PALM2AKAP2: variants seen among roughly 807,000 people sequenced by gnomAD.
PALM2AKAP2 encodes the protein PALM2-AKAP2 fusion protein.
In PALM2AKAP2, 37 loss-of-function variants were observed where a neutral mutation model predicts 71.5. That is an observed-to-expected ratio of 0.52 (90% confidence interval 0.40 to 0.68). The LOEUF (loss-of-function observed/expected upper bound fraction) is 0.68. PALM2AKAP2 is among the 30% of genes least tolerant of loss of function. The probability of loss-of-function intolerance (pLI) is 0.00; values close to 1 mark genes in which losing one functional copy is unlikely to be tolerated. For synonymous variants in PALM2AKAP2, 468 were observed against 478.8 expected (o/e 0.98, Z 0.29); for missense variants, 1,224 against 1,191.8 (o/e 1.03, Z -0.40).
chr9:109,946,396 A>C (rs1831505602), intron 6 of PALM2AKAP2: 1 of 152,120 alleles, frequency 6.6e-6, no homozygotes, highest in African/African-American at 2.4e-5. Context: ...CCTTTAAAAT[A>C]ATATAATCAG....
chr9:110,023,883 T>C (rs1270165975), intron 7 of PALM2AKAP2, among the ~76,000 whole-genome samples: 1 of 152,098 alleles, frequency 6.6e-6, no homozygotes, highest in Non-Finnish European at 1.5e-5. Flanking sequence ...TTCTGGCTAC[T>C]TGGGAGGCAA....
At chr9:109,717,103 T>A (rs1828336338) in intron 1 of PALM2AKAP2, among the ~76,000 whole-genome samples, 1 of 152,080 alleles carries the variant, frequency 6.6e-6, no homozygotes, top group Admixed American at 6.5e-5. Context: ...GCTGGCAAGT[T>A]AGGGTTAAGT....
intron 2 of PALM2AKAP2, 95 bp from the exon 3 acceptor site, chr9:109,880,456 T>C (rs1829819541): frequency 6.5e-7 from 1 of 1,528,254 alleles, no homozygotes; most frequent in Admixed American, 1.8e-5. Flanking sequence ...GCAGCGCTGG[T>C]GAGGGGTGGA....
At chr9:109,730,596 G>A (rs548424784) in intron 1 of PALM2AKAP2, among the ~76,000 whole-genome samples, 4 of 152,290 alleles carry the variant, frequency 2.6e-5, no homozygotes, top group Non-Finnish European at 5.9e-5. Flanking sequence ...TGCCAGTAGT[G>A]TACTTCTGAC....
At chr9:109,761,040 G>A (rs572145331) in intron 1 of PALM2AKAP2, among the ~76,000 whole-genome samples, 5 of 152,238 alleles carry the variant, frequency 3.3e-5, no homozygotes, top group Admixed American at 3.3e-4. Context: ...GTTCATTAAG[G>A]ACCACTCCAG....
At chr9:110,048,694 C>A, upstream of PALM2AKAP2, 1 of 1,542,506 alleles carries the variant, frequency 6.5e-7, no homozygotes. Flanking sequence ...CTACCACTCC[C>A]TGCAGATGCG....
At position 109,729,241 on chromosome 9, in the gene PALM2AKAP2, A is replaced by T. The variant is rs575268461; in HGVS notation, c.6-51247A>T. Among the ~76,000 whole-genome samples the T allele has an allele frequency of 3.3e-5, 5 of 152,240 alleles. No homozygotes were observed. In the East Asian group the frequency reaches 7.7e-4, roughly 24 times the overall value. On this transcript the variant is annotated intron_variant, in intron 1 of 6. Coordinates refer to the PALM2AKAP2 transcript ENST00000374531. Reference sequence around the variant, plus strand: ...GCTAGGTACATTGCCACCGACTCCCATGGCCACCTGAGCCTCCAGTAGTCC... The same window carrying T: ...GCTAGGTACATTGCCACCGACTCCCTTGGCCACCTGAGCCTCCAGTAGTCC...
chr9:110,143,554 T>G (rs1015415077), intron 2 of PALM2AKAP2, among the ~76,000 whole-genome samples: 1 of 152,148 alleles, frequency 6.6e-6, no homozygotes, highest in Non-Finnish European at 1.5e-5. Context: ...ATCCAAACAT[T>G]GTATTGAAGT....
rs188616033 is a variant in PALM2AKAP2, at chr9:109,958,831, A to G, written c.496+26803A>G. On this transcript the variant is annotated intron_variant, in intron 6 of 9. Transcript: ENST00000302798. ...CTGTGCCTGGCCCTGTGAAGTTACT[A>G]GTAAGCCACCCGTCACTGCCTTGTT... Among the ~76,000 whole-genome samples the G allele has an allele frequency of 1.6e-4, 25 of 152,338 alleles. No homozygotes were observed. The East Asian group carries it at 4.6e-3, about 28-fold the overall frequency.
intron 6 of PALM2AKAP2, among the ~76,000 whole-genome samples, chr9:109,955,844 G>C (rs10980122): frequency 2.7e-4 from 41 of 152,020 alleles, no homozygotes; most frequent in African/African-American, 9.6e-4. Context: ...GGCTGAGGCA[G>C]GAGAATCGCT....
At chr9:109,762,683 T>C (rs1829076595) in intron 1 of PALM2AKAP2, among the ~76,000 whole-genome samples, 1 of 152,228 alleles carries the variant, frequency 6.6e-6, no homozygotes, top group African/African-American at 2.4e-5. Context: ...TAAGTTATTA[T>C]AAAGGGGCAA....
At chr9:109,854,530 G>C (rs1222142388) in intron 1 of PALM2AKAP2, among the ~76,000 whole-genome samples, 1 of 152,038 alleles carries the variant, frequency 6.6e-6, no homozygotes, top group Admixed American at 6.5e-5. Flanking sequence ...AATAGGGTGG[G>C]TTCACATAGA....
At chr9:109,886,315 G>A (rs1225097918) in intron 3 of PALM2AKAP2, among the ~76,000 whole-genome samples, 3 of 152,158 alleles carry the variant, frequency 2.0e-5, no homozygotes, top group African/African-American at 7.2e-5. Flanking sequence ...GGTAGTTCGA[G>A]CCACACTAGC....
chr9:109,986,198 T>G (rs922216064), intron 6 of PALM2AKAP2, among the ~76,000 whole-genome samples: 6 of 152,208 alleles, frequency 3.9e-5, no homozygotes, highest in Non-Finnish European at 8.8e-5. Context: ...GACATAGAGC[T>G]GCGTGAAAGT....
At chr9:110,166,625 C>T (rs1836740589) in intron 3 of PALM2AKAP2, among the ~76,000 whole-genome samples, 1 of 152,180 alleles carries the variant, frequency 6.6e-6, no homozygotes, top group South Asian at 2.1e-4. Context: ...ACATACAAAA[C>T]ACATTATGCA....
In PALM2AKAP2 at chr9:110,023,305, C is replaced by CTTTTTTTTTTTTTTTTTTTT. The variant is rs149672913; in HGVS notation, c.582+7273_582+7292dup. Reference sequence around the variant, plus strand: ...GTGAGATGGTATCTCATTGTGGTTTCTTTTTTTTTTTTTTTTTTTTTTTTT... The same window carrying CTTTTTTTTTTTTTTTTTTTT: ...GTGAGATGGTATCTCATTGTGGTTTCTTTTTTTTTTTTTTTTTTTTTTTTTTTTTTTTTTTTTTTTTTTTT... On this transcript the variant is annotated intron_variant, in intron 7 of 9. Transcript: ENST00000302798. 2.0e-4 allele frequency among the ~76,000 whole-genome samples: 15 copies of CTTTTTTTTTTTTTTTTTTTT among 74,046 alleles called. 2 individuals carry two copies. The highest frequency in any genetic ancestry group is 4.9e-4 in the African/African-American group (8 of 16,188). The allele number at this position is 74,046 out of a possible 152,430, so 48.6% of individuals were successfully genotyped here.
chr9:109,847,220 T>C (rs1031149351), intron 1 of PALM2AKAP2, among the ~76,000 whole-genome samples: 3 of 152,140 alleles, frequency 2.0e-5, no homozygotes, highest in African/African-American at 7.2e-5. Context: ...GACAACTGTC[T>C]TCATAAGAGA....
chr9:109,719,033 C>G (rs111653414), intron 1 of PALM2AKAP2, among the ~76,000 whole-genome samples: 2,579 of 152,120 alleles, frequency 0.017, 67 homozygotes, highest in African/African-American at 0.058. Flanking sequence ...AAAATAAAAA[C>G]AGTCACTTCA....
intron 6 of PALM2AKAP2, chr9:109,943,960 T>C (rs1831441929): frequency 1.3e-5 from 2 of 153,966 alleles, no homozygotes; most frequent in African/African-American, 4.8e-5. Context: ...GTGATGCTTT[T>C]TGCTGCCTTA....
Sources: gnomAD v4.1 joint callset for allele counts (sites outside exome capture counted in the v4.1 genomes callset) on GRCh38, gnomAD v4.1.1 for gene constraint, MANE v1.5 for transcripts, NCBI Gene and HGNC (gene_info 2026-07-23, HGNC 2026-07-21) for gene names.